TNIK: variants seen among roughly 807,000 people sequenced by gnomAD.
TNIK encodes TRAF2 and NCK interacting kinase.
A neutral mutation model predicts 191.3 loss-of-function variants in TNIK; 49 were observed. That is an observed-to-expected ratio of 0.26 (90% CI 0.20 to 0.32). The LOEUF is 0.32. Among genes scored for constraint, TNIK ranks in the 10% least tolerant of loss-of-function variants. TNIK has a pLI of 1.00. For synonymous variants in TNIK, 594 were observed against 600.9 expected (o/e 0.99, Z 0.17); for missense variants, 1,155 against 1,702.3 (o/e 0.68, Z 5.66).
chr3:171,140,553 G>A, intron 12 of TNIK, 44 bp from the exon 13 acceptor site: 2 of 1,582,890 alleles, frequency 1.3e-6, no homozygotes, highest in Non-Finnish European at 1.7e-6. Flanking sequence ...ACAGGCCCCG[G>A]TGGGGGGTGT....
chr3:171,450,773 A>C (rs774641024), intron 1 of TNIK, among the ~76,000 whole-genome samples: 31 of 152,210 alleles, frequency 2.0e-4, no homozygotes, highest in Non-Finnish European at 4.1e-4. Context: ...TGAATGAATT[A>C]ATTGCATTCA....
At chr3:171,376,300 T>C (rs542627057) in intron 1 of TNIK, among the ~76,000 whole-genome samples, 4 of 152,312 alleles carry the variant, frequency 2.6e-5, no homozygotes, top group African/African-American at 9.6e-5. Context: ...TATGCTGCAC[T>C]CACAGCCAGG....
chr3:171,440,923 G>A (rs999119059), intron 1 of TNIK, among the ~76,000 whole-genome samples: 3 of 152,154 alleles, frequency 2.0e-5, no homozygotes, highest in African/African-American at 7.2e-5. Flanking sequence ...TGGCCCCAAA[G>A]TCCTTTCTCT....
intron 1 of TNIK, among the ~76,000 whole-genome samples, chr3:171,379,457 C>T (rs1013255284): frequency 5.9e-5 from 9 of 152,160 alleles, no homozygotes; most frequent in African/African-American, 1.2e-4. Context: ...CTGGCCAGCC[C>T]TTCTCATGCT....
chr3:171,083,966 C>G (rs566813217), intron 26 of TNIK, among the ~76,000 whole-genome samples, 189 bp downstream of exon 26: 1 of 152,114 alleles, frequency 6.6e-6, no homozygotes, highest in Non-Finnish European at 1.5e-5. Flanking sequence ...AGTAGCGTAT[C>G]AGCTATTTCT....
chr3:171,244,684 CTA>C (rs1314391664), intron 2 of TNIK, among the ~76,000 whole-genome samples: 1 of 151,814 alleles, frequency 6.6e-6, no homozygotes, highest in East Asian at 1.9e-4. Flanking sequence ...CCATCGGCCT[CTA>C]TGTTACAAAG....
intron 2 of TNIK, among the ~76,000 whole-genome samples, chr3:171,359,536 A>G (rs1028434754): frequency 1.3e-5 from 2 of 152,200 alleles, no homozygotes; most frequent in South Asian, 2.1e-4. Flanking sequence ...AGTGAGCAAC[A>G]GGACCAAGAT....
intron 2 of TNIK, among the ~76,000 whole-genome samples, chr3:171,255,236 C>T (rs1013459500): frequency 8.5e-5 from 13 of 152,126 alleles, no homozygotes; most frequent in African/African-American, 3.1e-4. Context: ...AGCAGAGAAA[C>T]TATTAATCAT....
At chr3:171,349,024 T>TG (rs913183143) in intron 2 of TNIK, among the ~76,000 whole-genome samples, 1 of 116,184 alleles carries the variant, frequency 8.6e-6, no homozygotes, top group Admixed American at 9.7e-5. Flanking sequence ...AGGATGAACT[T>TG]GGAAAAAAAA....
chr3:171,219,007 T>C (rs1741859198), intron 3 of TNIK, among the ~76,000 whole-genome samples: 1 of 114,800 alleles, frequency 8.7e-6, no homozygotes, highest in Non-Finnish European at 1.6e-5. Context: ...TATTAATATA[T>C]AAAATATTAC....
At chr3:171,237,550 T>C (rs1744430141) in intron 2 of TNIK, among the ~76,000 whole-genome samples, 1 of 151,872 alleles carries the variant, frequency 6.6e-6, no homozygotes, top group South Asian at 2.1e-4. Flanking sequence ...AAATGTCTCC[T>C]CTGTAAGAAT....
intron 2 of TNIK, among the ~76,000 whole-genome samples, chr3:171,229,180 C>T (rs537830922): frequency 6.6e-6 from 1 of 152,268 alleles, no homozygotes; most frequent in South Asian, 2.1e-4. Flanking sequence ...GATATGAGAT[C>T]ATGTATACAA....
chr3:171,105,326 T>C (rs1724613662), intron 21 of TNIK, among the ~76,000 whole-genome samples: 1 of 152,134 alleles, frequency 6.6e-6, no homozygotes, highest in South Asian at 2.1e-4. Context: ...CACGGGATGT[T>C]TGGCAGCAGC....
At chr3:171,255,482 T>C (rs1306694180) in intron 2 of TNIK, among the ~76,000 whole-genome samples, 1 of 152,218 alleles carries the variant, frequency 6.6e-6, no homozygotes, top group Non-Finnish European at 1.5e-5. Context: ...ATTTTTCTAT[T>C]CACTACCTAG....
intron 7 of TNIK, among the ~76,000 whole-genome samples, chr3:171,187,546 A>G (rs1429469831): frequency 6.6e-6 from 1 of 152,204 alleles, no homozygotes; most frequent in Non-Finnish European, 1.5e-5. Context: ...CCACATGTCG[A>G]GAACTAAAAA....
At position 171,264,111 on chromosome 3, in the gene TNIK, CAT is replaced by C. The variant is rs1167898609; in HGVS notation, c.124-35892_124-35891del. Reference sequence around the variant, plus strand: ...ACACACACACACACACACACACACACATATATATATATATATATATACACCCC... The same window carrying C: ...ACACACACACACACACACACACACACATATATATATATATATATACACCCC... On this transcript the variant is annotated intron_variant, in intron 2 of 32. Coordinates refer to ENST00000436636, the MANE Select transcript of TNIK (RefSeq NM_015028.4). Among the ~76,000 whole-genome samples the C allele has an allele frequency of 8.4e-3, 510 of 60,950 alleles. 3 individuals are homozygous for C. Among genetic ancestry groups the C allele is most frequent in the African/African-American group, 0.034 (355 of 10,346 alleles). 40.0% of individuals were successfully genotyped at this position (60,950 alleles called of 152,430 possible). A position where few individuals can be genotyped will look rare whatever the true frequency, so the allele number is the denominator to read the frequency against.
intron 2 of TNIK, among the ~76,000 whole-genome samples, chr3:171,335,250 C>T (rs140147521): frequency 4.5e-4 from 68 of 152,262 alleles, no homozygotes; most frequent in African/African-American, 1.6e-3. Context: ...AAAGAAAATG[C>T]ATAGGTTGTT....
intron 23 of TNIK, 136 bp downstream of exon 23, chr3:171,093,703 T>A: frequency 8.8e-7 from 1 of 1,142,720 alleles, no homozygotes. Context: ...CTCAACTATT[T>A]GGAAGCACAG....
At chr3:171,299,266 CAA>C (rs1462543849) in intron 2 of TNIK, among the ~76,000 whole-genome samples, 1 of 152,188 alleles carries the variant, frequency 6.6e-6, no homozygotes, top group African/African-American at 2.4e-5. Flanking sequence ...TCCTCTAGGG[CAA>C]AGTGACCCAC....
Sources: allele counts gnomAD v4.1 joint callset (sites outside exome capture counted in the v4.1 genomes callset), GRCh38; gene constraint gnomAD v4.1.1; transcripts MANE v1.5; gene names NCBI Gene and HGNC (gene_info 2026-07-23, HGNC 2026-07-21).